Variants in CCDC122 observed in about 807,000 individuals in gnomAD.
The protein encoded by CCDC122 is coiled-coil domain containing 122.
In CCDC122, 38 loss-of-function variants were observed where a neutral mutation model predicts 37.0. The observed-to-expected ratio is 1.03, with a 90% CI of 0.79 to 1.35. The LOEUF is 1.35. Among genes scored for constraint, CCDC122 ranks in the 40% most tolerant of loss-of-function variants. The pLI, the probability that CCDC122 is intolerant of heterozygous loss-of-function variation, is 0.00. For missense variants in CCDC122, 305 were observed against 310.0 expected, an observed-to-expected ratio of 0.98 and a Z score of 0.12; for synonymous variants, 83 against 95.6, an observed-to-expected ratio of 0.87 and a Z score of 0.77.
At chr13:43,863,843 A>T (rs1954191229) in intron 4 of CCDC122, among the ~76,000 whole-genome samples, 1 of 152,228 alleles carries the variant, frequency 6.6e-6, no homozygotes, top group Non-Finnish European at 1.5e-5. Context: ...AATAGTGTAT[A>T]TTGAAGAGCA....
At position 43,846,268 on chromosome 13, in the gene CCDC122, T is replaced by A. The variant is rs573086137; in HGVS notation, c.673-8839A>T. On this transcript the variant is annotated intron_variant, in intron 6 of 6. Coordinates refer to ENST00000444614, the MANE Select transcript of CCDC122 (RefSeq NM_144974.5). Reference sequence around the variant, plus strand: ...TTTTGTATTTTTAGTAAGACAGGGTTTCAACACGTTGGCCAGGCTGGTCTC... The same window carrying A: ...TTTTGTATTTTTAGTAAGACAGGGTATCAACACGTTGGCCAGGCTGGTCTC... Among the ~76,000 whole-genome samples the A allele has an allele frequency of 6.6e-5, 10 of 152,186 alleles. No homozygotes were observed. In the South Asian group the frequency reaches 2.1e-3, roughly 32 times the overall value.
downstream of CCDC122, among the ~76,000 whole-genome samples, chr13:43,820,981 T>C (rs1033440339): frequency 2.0e-5 from 3 of 152,232 alleles, no homozygotes; most frequent in African/African-American, 7.2e-5. Flanking sequence ...TATCAACTTA[T>C]AATAGTGCTA....
At chr13:43,822,151 G>A (rs1952998376), downstream of CCDC122, among the ~76,000 whole-genome samples, 1 of 152,152 alleles carries the variant, frequency 6.6e-6, no homozygotes, top group South Asian at 2.1e-4. Context: ...CTTTCCAGGT[G>A]TTAGAAGGAA....
At chr13:43,864,420 G>C (rs9533663) in intron 4 of CCDC122, among the ~76,000 whole-genome samples, 12,574 of 152,128 alleles carry the variant, frequency 0.083, 598 homozygotes, top group African/African-American at 0.1. Context: ...CTGATGGCTG[G>C]AAAGTTCAAG....
chr13:43,848,397 C>T (rs1221207484), intron 6 of CCDC122, among the ~76,000 whole-genome samples: 1 of 152,122 alleles, frequency 6.6e-6, no homozygotes, highest in Non-Finnish European at 1.5e-5. Context: ...TGTCTGAAAA[C>T]TCTTGGATTT....
intron 2 of CCDC122, among the ~76,000 whole-genome samples, chr13:43,871,301 A>G (rs112486066): frequency 5.3e-5 from 8 of 152,132 alleles, no homozygotes; most frequent in African/African-American, 1.9e-4. Flanking sequence ...CAGACCTCCA[A>G]TGGCCTAATG....
At chr13:43,864,390 G>A (rs531156580) in intron 4 of CCDC122, among the ~76,000 whole-genome samples, 5 of 152,116 alleles carry the variant, frequency 3.3e-5, no homozygotes, top group African/African-American at 1.2e-4. Context: ...ATTCAAAAAA[G>A]GTTTATTTGG....
intron 6 of CCDC122, among the ~76,000 whole-genome samples, chr13:43,852,210 C>G (rs916776574): frequency 6.6e-6 from 1 of 151,980 alleles, no homozygotes; most frequent in African/African-American, 2.4e-5. Flanking sequence ...TATGTTAAAA[C>G]CCAGTCCAAG....
intron 1 of CCDC122, among the ~76,000 whole-genome samples, chr13:43,877,444 G>C (rs533614527): frequency 5.3e-5 from 8 of 152,202 alleles, no homozygotes; most frequent in African/African-American, 1.9e-4. Flanking sequence ...ATACCACAAA[G>C]TACATCCTTA....
rs1555391082 is a variant in CCDC122, at chr13:43,855,393, A to ACC, written c.672+3386_672+3387dup. On this transcript the variant is annotated intron_variant, in intron 6 of 6. Transcript: ENST00000444614. Reference sequence around the variant, plus strand: ...CACACACACACACACACACACACACACCCCTAAGAACACAGCCAACCAGGA... The same window carrying ACC: ...CACACACACACACACACACACACACACCCCCCTAAGAACACAGCCAACCAGGA... 2.9e-5 allele frequency: 4 copies of ACC among 137,488 alleles called. No homozygotes were observed. The East Asian group carries it at 8.1e-4, about 28-fold the overall frequency. The allele number at this position is 137,488 out of a possible 1,614,324, so 8.5% of individuals were successfully genotyped here.
intron 1 of CCDC122, among the ~76,000 whole-genome samples, chr13:43,875,905 C>T (rs1453311920): frequency 6.6e-6 from 1 of 152,206 alleles, no homozygotes; most frequent in Non-Finnish European, 1.5e-5. Context: ...GAATAAATAG[C>T]TTTTGCTTGT....
intron 6 of CCDC122, among the ~76,000 whole-genome samples, chr13:43,857,744 A>C (rs1189980599): frequency 6.6e-6 from 1 of 152,008 alleles, no homozygotes; most frequent in African/African-American, 2.4e-5. Flanking sequence ...CTCTACTAAA[A>C]ATACAAAAAT....
chr13:43,844,019 C>T (rs1412914795), intron 6 of CCDC122, among the ~76,000 whole-genome samples: 1 of 151,424 alleles, frequency 6.6e-6, no homozygotes, highest in Non-Finnish European at 1.5e-5. Context: ...ATTGTTTTCT[C>T]GTTTTTCTGT....
intron 6 of CCDC122, among the ~76,000 whole-genome samples, chr13:43,842,143 C>T (rs918490821): frequency 6.6e-6 from 1 of 152,122 alleles, no homozygotes; most frequent in South Asian, 2.1e-4. Flanking sequence ...ATGAAGATAT[C>T]CTCCTATAGT....
chr13:43,838,437 G>A (rs540638122), intron 6 of CCDC122, among the ~76,000 whole-genome samples: 1 of 152,168 alleles, frequency 6.6e-6, no homozygotes, highest in South Asian at 2.1e-4. Flanking sequence ...ATAGTGGAAA[G>A]TGCTTCATTG....
chr13:43,872,089 T>G (rs1220529932), intron 2 of CCDC122, among the ~76,000 whole-genome samples: 1 of 152,086 alleles, frequency 6.6e-6, no homozygotes, highest in Non-Finnish European at 1.5e-5. Flanking sequence ...TAACTCTACC[T>G]TATCCATAAT....
Position 43,868,603 on chromosome 13 carries a change from T to G in CCDC122, c.156+91A>C. 3 of 631,144 alleles carry G rather than the reference T, an allele frequency of 4.8e-6. No homozygotes were observed. In the South Asian group the frequency reaches 8.0e-5, roughly 17 times the overall value. 39.1% of individuals were successfully genotyped at this position (631,144 alleles called of 1,614,324 possible). A position where few individuals can be genotyped will look rare whatever the true frequency, so the allele number is the denominator to read the frequency against. On this transcript the variant is annotated intron_variant, in intron 4 of 6. Coordinates refer to ENST00000444614, the MANE Select transcript of CCDC122 (RefSeq NM_144974.5). ...AATTGACAGAGAATAACTTTAAAAGTGACTCCCAATAATAAGTATTTTTAA... is the reference window on the plus strand; with the variant it reads ...AATTGACAGAGAATAACTTTAAAAGGGACTCCCAATAATAAGTATTTTTAA...
At chr13:43,873,245 T>C (rs747432046) in intron 2 of CCDC122, among the ~76,000 whole-genome samples, 2 of 152,136 alleles carry the variant, frequency 1.3e-5, no homozygotes, top group Admixed American at 1.3e-4. Flanking sequence ...TCCCAAATTA[T>C]ATCTCTACCC....
At chr13:43,833,241 C>A (rs983617167), downstream of CCDC122, among the ~76,000 whole-genome samples, 2 of 151,970 alleles carry the variant, frequency 1.3e-5, no homozygotes, top group Non-Finnish European at 2.9e-5. Flanking sequence ...GGGTTTTTTT[C>A]CCTCCCTCCG....
Sources: allele counts gnomAD v4.1 joint callset (sites outside exome capture counted in the v4.1 genomes callset), GRCh38; gene constraint gnomAD v4.1.1; transcripts MANE v1.5; gene names NCBI Gene and HGNC (gene_info 2026-07-23, HGNC 2026-07-21).